Variants in LINC00305 observed in about 807,000 individuals in gnomAD.
The protein encoded by LINC00305 is long independently transcribed non-coding RNA 305.
At chr18:64,095,327 A>G (rs2051241122) in intron 3 of LINC00305, among the ~76,000 whole-genome samples, 1 of 152,194 alleles carries the variant, frequency 6.6e-6, no homozygotes, top group Non-Finnish European at 1.5e-5. Flanking sequence ...TTTGCAGCTC[A>G]AAATAAGGAG....
At chr18:64,089,462 G>T (rs2051216788) in intron 3 of LINC00305, among the ~76,000 whole-genome samples, 1 of 152,194 alleles carries the variant, frequency 6.6e-6, no homozygotes. Context: ...TACAGAGACA[G>T]TGCAAACACA....
chr18:64,090,291 G>T (rs564583433), intron 3 of LINC00305, among the ~76,000 whole-genome samples: 1 of 152,284 alleles, frequency 6.6e-6, no homozygotes, highest in East Asian at 1.9e-4. Context: ...AAAATTCTAA[G>T]AATCAAATAA....
chr18:64,121,607 G>A (rs1236190852), intron 1 of LINC00305, among the ~76,000 whole-genome samples: 1 of 152,020 alleles, frequency 6.6e-6, no homozygotes, highest in Non-Finnish European at 1.5e-5. Flanking sequence ...TAAACACTAA[G>A]GTTGATTCTG....
At chr18:64,090,347 G>T (rs953616707) in intron 3 of LINC00305, among the ~76,000 whole-genome samples, 3 of 152,108 alleles carry the variant, frequency 2.0e-5, no homozygotes, top group African/African-American at 7.2e-5. Flanking sequence ...CTTCTAAAGA[G>T]GCATTTTCTG....
intron 1 of LINC00305, among the ~76,000 whole-genome samples, chr18:64,133,386 G>A (rs546846103): frequency 3.3e-5 from 5 of 150,218 alleles, no homozygotes; most frequent in Middle Eastern, 3.4e-3. Flanking sequence ...TAAATTTTTA[G>A]TTTTAAGAGC....
chr18:64,096,816 G>A (rs1016316951), intron 3 of LINC00305, among the ~76,000 whole-genome samples: 2 of 151,802 alleles, frequency 1.3e-5, no homozygotes, highest in African/African-American at 4.8e-5. Flanking sequence ...AACATATGAG[G>A]AACTACTGAA....
At chr18:64,087,670 A>G (rs1251985595) in intron 3 of LINC00305, among the ~76,000 whole-genome samples, 1 of 152,178 alleles carries the variant, frequency 6.6e-6, no homozygotes, top group East Asian at 1.9e-4. Flanking sequence ...AGAAAAATAT[A>G]CGATTGCTTT....
chr18:64,085,198 A>G (rs561344059), intron 3 of LINC00305, among the ~76,000 whole-genome samples: 123 of 152,260 alleles, frequency 8.1e-4, no homozygotes, highest in Middle Eastern at 3.4e-3. Flanking sequence ...CTTTCATTAC[A>G]TTGCTTATTC....
At chr18:64,086,677 G>T (rs1429389062) in intron 3 of LINC00305, among the ~76,000 whole-genome samples, 1 of 152,182 alleles carries the variant, frequency 6.6e-6, no homozygotes, top group Non-Finnish European at 1.5e-5. Context: ...AAAGAAGATT[G>T]GTGGGGCTTG....
intron 1 of LINC00305, among the ~76,000 whole-genome samples, chr18:64,109,582 T>G (rs988152187): frequency 1.3e-5 from 2 of 152,248 alleles, no homozygotes; most frequent in Non-Finnish European, 2.9e-5. Flanking sequence ...TGATCATGCC[T>G]TCTATGTATT....
intron 1 of LINC00305, among the ~76,000 whole-genome samples, chr18:64,137,207 G>C (rs2051438984): frequency 6.6e-6 from 1 of 152,130 alleles, no homozygotes; most frequent in Admixed American, 6.5e-5. Context: ...CACAGTCCAG[G>C]GGACAGCAAG....
intron 1 of LINC00305, among the ~76,000 whole-genome samples, chr18:64,113,176 C>T (rs951375222): frequency 1.3e-5 from 2 of 152,198 alleles, no homozygotes; most frequent in African/African-American, 4.8e-5. Flanking sequence ...GCATCACAAG[C>T]GTGGGCTACA....
chr18:64,145,119 T>G (rs1394081888), intron 1 of LINC00305, among the ~76,000 whole-genome samples: 1 of 152,204 alleles, frequency 6.6e-6, no homozygotes. Flanking sequence ...TAACCAGCTT[T>G]TGTTGCAATT....
chr18:64,130,190 T>C (rs917486492), intron 1 of LINC00305, among the ~76,000 whole-genome samples: 4 of 152,172 alleles, frequency 2.6e-5, no homozygotes, highest in Admixed American at 2.6e-4. Context: ...GCATTCTATG[T>C]ACCTTCAGTA....
Position 64,145,094 on chromosome 18 carries a change from T to A in LINC00305, n.314+3681A>T, listed in dbSNP as rs1354487866. Among the ~76,000 whole-genome samples, 3 of 152,202 alleles carry A rather than the reference T, an allele frequency of 2.0e-5. No homozygotes were observed. The East Asian group carries it at 5.8e-4, about 29-fold the overall frequency. ...CTGTTGTCTAGCTTCACGTCCTGTT[T>A]CCATGGATTGTTTGTAACCAGCTTT... On this transcript the variant is annotated intron_variant and non_coding_transcript_variant, in intron 1 of 3. Transcript: ENST00000666468.
At chr18:64,131,172 A>G (rs1441218593) in intron 1 of LINC00305, among the ~76,000 whole-genome samples, 1 of 152,232 alleles carries the variant, frequency 6.6e-6, no homozygotes, top group Non-Finnish European at 1.5e-5. Flanking sequence ...ACGTTCATCA[A>G]TTGATATGTG....
intron 1 of LINC00305, among the ~76,000 whole-genome samples, chr18:64,134,003 TA>T (rs1231489588): frequency 6.6e-6 from 1 of 152,164 alleles, no homozygotes; most frequent in Non-Finnish European, 1.5e-5. Flanking sequence ...TATACATGCA[TA>T]ATAAATATTT....
chr18:64,109,675 G>C (rs2051306860), intron 1 of LINC00305, among the ~76,000 whole-genome samples: 1 of 152,082 alleles, frequency 6.6e-6, no homozygotes, highest in Non-Finnish European at 1.5e-5. Context: ...CAACAACTCT[G>C]GTAGACATAA....
intron 1 of LINC00305, among the ~76,000 whole-genome samples, chr18:64,135,087 G>A (rs1224807307): frequency 6.6e-6 from 1 of 152,166 alleles, no homozygotes; most frequent in African/African-American, 2.4e-5. Context: ...GGGGAACCGT[G>A]TTCCAGGCCT....
Sources: gnomAD v4.1 joint callset for allele counts (sites outside exome capture counted in the v4.1 genomes callset) on GRCh38, gnomAD v4.1.1 for gene constraint, MANE v1.5 for transcripts, NCBI Gene and HGNC (gene_info 2026-07-23, HGNC 2026-07-21) for gene names.